SORCS3: variants seen among roughly 807,000 people sequenced by gnomAD.
SORCS3 encodes VPS10 domain-containing receptor SorCS3.
SORCS3 carries 57 observed loss-of-function variants against 146.3 expected under a neutral mutation model. The observed-to-expected ratio is 0.39, with a 90% CI of 0.31 to 0.49. The LOEUF (loss-of-function observed/expected upper bound fraction) is 0.49, where lower values mean the gene tolerates loss of function less well. Ranked by LOEUF, SORCS3 falls within the 20% of genes least tolerant of loss-of-function variation. The probability of loss-of-function intolerance (pLI) is 0.92; values close to 1 mark genes in which losing one functional copy is unlikely to be tolerated. For synonymous variants in SORCS3, 653 were observed against 618.5 expected (o/e 1.06, Z -0.83); for missense variants, 1,341 against 1,575.5 (o/e 0.85, Z 2.52).
intron 1 of SORCS3, among the ~76,000 whole-genome samples, chr10:104,737,718 T>C (rs1264245683): frequency 6.6e-6 from 1 of 152,086 alleles, no homozygotes; most frequent in Non-Finnish European, 1.5e-5. Flanking sequence ...TCTCCCATTT[T>C]GTGGGTTGCC....
intron 3 of SORCS3, among the ~76,000 whole-genome samples, chr10:104,976,356 A>G (rs1368457988): frequency 1.3e-5 from 2 of 152,208 alleles, no homozygotes; most frequent in African/African-American, 2.4e-5. Flanking sequence ...CAAAACCACA[A>G]TGAGATACCA....
In SORCS3 at chr10:105,057,807, C is replaced by T. The variant is rs975744855; in HGVS notation, c.1028+14679C>T. On this transcript the variant is annotated intron_variant, in intron 5 of 26. Coordinates refer to ENST00000369701, the MANE Select transcript of SORCS3 (RefSeq NM_014978.3). ...AAGGCACTGGCCTTCTTCCTGTATACATGTCTGTATTTCTGAACGTAGCGT... is the reference window on the plus strand; with the variant it reads ...AAGGCACTGGCCTTCTTCCTGTATATATGTCTGTATTTCTGAACGTAGCGT... Among the ~76,000 whole-genome samples the T allele has an allele frequency of 2.0e-5, 3 of 152,322 alleles. No homozygotes were observed. The Middle Eastern group carries it at 0.01, about 518-fold the overall frequency.
intron 2 of SORCS3, among the ~76,000 whole-genome samples, chr10:104,911,083 G>C (rs1198930803): frequency 1.3e-5 from 2 of 152,224 alleles, no homozygotes; most frequent in Non-Finnish European, 2.9e-5. Flanking sequence ...AGAGAGGATG[G>C]TTTGCTTTCT....
intron 5 of SORCS3, 79 bp from the exon 6 acceptor site, chr10:105,089,696 G>A: frequency 9.1e-7 from 1 of 1,095,036 alleles, no homozygotes. Flanking sequence ...CTGAGTAGCA[G>A]TTGGCCCTGA....
intron 5 of SORCS3, among the ~76,000 whole-genome samples, chr10:105,081,614 C>T (rs1356046805): frequency 6.6e-6 from 1 of 152,186 alleles, no homozygotes; most frequent in African/African-American, 2.4e-5. Context: ...GGTTAAGTTG[C>T]TAAAAATAAG....
chr10:104,823,014 A>C (rs983278525), intron 1 of SORCS3, among the ~76,000 whole-genome samples: 9 of 152,352 alleles, frequency 5.9e-5, no homozygotes, highest in Middle Eastern at 3.4e-3. Flanking sequence ...GGTGAGATCC[A>C]GGTAAGCAGT....
chr10:104,695,738 C>G (rs2016166653), intron 1 of SORCS3, among the ~76,000 whole-genome samples: 1 of 151,308 alleles, frequency 6.6e-6, no homozygotes, highest in African/African-American at 2.4e-5. Flanking sequence ...TTTTTTTCCA[C>G]TCACTGTATT....
intron 19 of SORCS3, among the ~76,000 whole-genome samples, chr10:105,222,735 A>C (rs2056711342): frequency 6.6e-6 from 1 of 152,252 alleles, no homozygotes; most frequent in Admixed American, 6.5e-5. Context: ...CCTTCCATAC[A>C]ATACACTGAC....
intron 14 of SORCS3, among the ~76,000 whole-genome samples, chr10:105,180,532 C>T (rs1002507060): frequency 6.6e-6 from 1 of 152,070 alleles, no homozygotes; most frequent in Admixed American, 6.6e-5. Flanking sequence ...GATTTTAGGT[C>T]ACATTTAGGA....
chr10:104,717,483 G>A (rs935823587), intron 1 of SORCS3, among the ~76,000 whole-genome samples: 4 of 152,064 alleles, frequency 2.6e-5, no homozygotes, highest in Admixed American at 2.6e-4. Flanking sequence ...GCCCAGCATT[G>A]TTGCCTGCTG....
chr10:104,815,050 A>G (rs1384650791), intron 1 of SORCS3, among the ~76,000 whole-genome samples: 1 of 152,130 alleles, frequency 6.6e-6, no homozygotes, highest in Non-Finnish European at 1.5e-5. Flanking sequence ...TGCAGTCTGA[A>G]GGAGGAGAAA....
intron 4 of SORCS3, among the ~76,000 whole-genome samples, chr10:105,004,548 G>A (rs2055082426): frequency 6.6e-6 from 1 of 152,122 alleles, no homozygotes; most frequent in Non-Finnish European, 1.5e-5. Context: ...AGGAAGTGGA[G>A]CAGATAAACT....
At chr10:105,098,298 A>G (rs1276513347) in intron 6 of SORCS3, among the ~76,000 whole-genome samples, 1 of 152,218 alleles carries the variant, frequency 6.6e-6, no homozygotes, top group Non-Finnish European at 1.5e-5. Context: ...AACTCACTTT[A>G]TGGATTGAGA....
chr10:105,224,189 A>G (rs1235840231), intron 20 of SORCS3, among the ~76,000 whole-genome samples: 1 of 152,224 alleles, frequency 6.6e-6, no homozygotes, highest in Non-Finnish European at 1.5e-5. Flanking sequence ...CCACTATAGT[A>G]TCAAAAAGAA....
chr10:105,150,434 G>A (rs1246519812), intron 9 of SORCS3, among the ~76,000 whole-genome samples: 1 of 152,144 alleles, frequency 6.6e-6, no homozygotes, highest in South Asian at 2.1e-4. Context: ...AGGGGCAGGG[G>A]TATGGGGATG....
intron 1 of SORCS3, among the ~76,000 whole-genome samples, chr10:104,684,481 C>G (rs939048217): frequency 1.3e-5 from 2 of 152,230 alleles, no homozygotes; most frequent in African/African-American, 4.8e-5. Flanking sequence ...GTGCCCGGCA[C>G]GGGAGCCACC....
intron 11 of SORCS3, among the ~76,000 whole-genome samples, chr10:105,162,837 G>C (rs1413166997): frequency 6.6e-6 from 1 of 152,114 alleles, no homozygotes. Flanking sequence ...CAGTGCTCCT[G>C]CCTCCCTCTT....
Position 104,977,402 on chromosome 10 carries a change from A to T in SORCS3, c.863A>T (p.Tyr288Phe). The T allele has an allele frequency of 6.2e-7, 1 of 1,613,870 alleles. No individual in the cohort carries two copies. Reference protein sequence around the residue: ...ILISSDEGATYQKYRLTFYIQ... With the variant: ...ILISSDEGATFQKYRLTFYIQ... ...ATCAGCTCAGACGAAGGGGCGACCT[A>T]TCAGAAGTATCGGCTCACCTTCTAT... is the stretch of plus-strand genomic sequence containing the variant. Residue 288 changes from tyrosine (Y) to phenylalanine (F), a missense_variant, in exon 4 of 27, where the codon TAT becomes TTT. By Grantham distance (22) the Tyr-to-Phe change is conservative. Coordinates refer to ENST00000369701, the MANE Select transcript of SORCS3 (RefSeq NM_014978.3).
intron 23 of SORCS3, among the ~76,000 whole-genome samples, chr10:105,253,213 A>C (rs2056911583): frequency 6.6e-6 from 1 of 151,980 alleles, no homozygotes; most frequent in Non-Finnish European, 1.5e-5. Flanking sequence ...AGAGAGAGAG[A>C]GAGAGAGACA....
Sources: allele counts gnomAD v4.1 joint callset (sites outside exome capture counted in the v4.1 genomes callset), GRCh38; gene constraint gnomAD v4.1.1; transcripts MANE v1.5; gene names NCBI Gene and HGNC (gene_info 2026-07-23, HGNC 2026-07-21).